The following PTPRT variants were observed in gnomAD, a reference collection of about 807,000 sequenced individuals.
The protein encoded by PTPRT is receptor-type tyrosine-protein phosphatase T.
In PTPRT, 56 loss-of-function variants were observed where a neutral mutation model predicts 176.8. The ratio of observed to expected loss-of-function variants is 0.32; its 90% confidence interval spans 0.26 to 0.40. The LOEUF (loss-of-function observed/expected upper bound fraction) is 0.40. PTPRT is among the 10% of genes least tolerant of loss of function. The pLI, the probability that PTPRT is intolerant of heterozygous loss-of-function variation, is 1.00. For synonymous variants in PTPRT, 783 were observed against 739.0 expected, an observed-to-expected ratio of 1.06 and a Z score of -0.96; for missense variants, 1,540 against 1,908.2, an observed-to-expected ratio of 0.81 and a Z score of 3.60.
At chr20:42,439,054 AC>A (rs2145826311) in intron 9 of PTPRT, among the ~76,000 whole-genome samples, 1 of 152,310 alleles carries the variant, frequency 6.6e-6, no homozygotes, top group South Asian at 2.1e-4. Flanking sequence ...TGCTACTGAA[AC>A]ACCTGTCAGC....
chr20:42,125,061 G>T (rs1987787570), intron 19 of PTPRT, among the ~76,000 whole-genome samples: 1 of 152,142 alleles, frequency 6.6e-6, no homozygotes, highest in African/African-American at 2.4e-5. Context: ...AAGGGCTTCA[G>T]TTCTTGAAGG....
chr20:42,145,694 C>A (rs755091594), intron 17 of PTPRT, among the ~76,000 whole-genome samples: 5 of 152,188 alleles, frequency 3.3e-5, no homozygotes, highest in Admixed American at 1.3e-4. Flanking sequence ...TTAGAGGGCA[C>A]AGGAAGGAGT....
intron 7 of PTPRT, among the ~76,000 whole-genome samples, chr20:42,483,663 G>A (rs1034891125): frequency 2.0e-5 from 3 of 152,240 alleles, no homozygotes; most frequent in Admixed American, 6.5e-5. Flanking sequence ...GGGGAACCCA[G>A]AGTCAAATAT....
At chr20:43,175,641 C>T (rs1360127095) in intron 1 of PTPRT, among the ~76,000 whole-genome samples, 16 of 104,766 alleles carry the variant, frequency 1.5e-4, no homozygotes, top group South Asian at 7.9e-4. Flanking sequence ...AGCGAGACTC[C>T]GGGCTCTGAC....
chr20:42,366,170 A>G (rs2058511246), intron 9 of PTPRT, among the ~76,000 whole-genome samples: 1 of 152,074 alleles, frequency 6.6e-6, no homozygotes, highest in African/African-American at 2.4e-5. Context: ...CTTAGTGGAC[A>G]CCTAATTAAT....
chr20:42,601,269 A>G (rs374338935), intron 7 of PTPRT, among the ~76,000 whole-genome samples: 13 of 152,204 alleles, frequency 8.5e-5, no homozygotes, highest in African/African-American at 3.1e-4. Flanking sequence ...CCAACATACA[A>G]TCTGCCTTCT....
At chr20:43,152,252 G>A (rs1462304887) in intron 1 of PTPRT, among the ~76,000 whole-genome samples, 1 of 152,118 alleles carries the variant, frequency 6.6e-6, no homozygotes, top group African/African-American at 2.4e-5. Flanking sequence ...TATTAAAGTG[G>A]TTAACTGTGT....
chr20:43,161,219 T>G (rs1222495953), intron 1 of PTPRT, among the ~76,000 whole-genome samples: 1 of 152,170 alleles, frequency 6.6e-6, no homozygotes, highest in Non-Finnish European at 1.5e-5. Flanking sequence ...GCAGAAAAAT[T>G]TTGCTGATTT....
intron 6 of PTPRT, among the ~76,000 whole-genome samples, chr20:42,716,214 G>A (rs1310104445): frequency 6.6e-6 from 1 of 151,964 alleles, no homozygotes; most frequent in Non-Finnish European, 1.5e-5. Flanking sequence ...CCACAGACAT[G>A]TGAGCAAAAA....
intron 7 of PTPRT, among the ~76,000 whole-genome samples, chr20:42,622,509 G>C (rs1260193957): frequency 1.3e-5 from 2 of 152,088 alleles, no homozygotes; most frequent in Non-Finnish European, 2.9e-5. Flanking sequence ...CAAAGTGCTG[G>C]CATTACAGGC....
chr20:42,729,977 T>C (rs904282732), intron 6 of PTPRT, among the ~76,000 whole-genome samples: 3 of 152,292 alleles, frequency 2.0e-5, no homozygotes, highest in African/African-American at 7.2e-5. Context: ...CACTGTGCTA[T>C]GAGCCCAGCA....
chr20:43,136,021 A>C (rs917311967), intron 1 of PTPRT, among the ~76,000 whole-genome samples: 21 of 152,204 alleles, frequency 1.4e-4, no homozygotes, highest in African/African-American at 5.1e-4. Flanking sequence ...ATAGTCAGCT[A>C]TTAAGCTAGT....
At chr20:42,121,462 A>G (rs1431663447) in intron 19 of PTPRT, among the ~76,000 whole-genome samples, 1 of 152,126 alleles carries the variant, frequency 6.6e-6, no homozygotes, top group African/African-American at 2.4e-5. Context: ...CAAATACCCA[A>G]TAAACAAGCT....
At chr20:42,070,296 C>T (rs1473699915), downstream of PTPRT, among the ~76,000 whole-genome samples, 1 of 151,662 alleles carries the variant, frequency 6.6e-6, no homozygotes, top group Non-Finnish European at 1.5e-5. Flanking sequence ...GATCTTAAGT[C>T]AAACCAGAGC....
intron 1 of PTPRT, among the ~76,000 whole-genome samples, chr20:42,934,389 T>A (rs1037448975): frequency 6.6e-6 from 1 of 152,156 alleles, no homozygotes; most frequent in African/African-American, 2.4e-5. Flanking sequence ...ATAACAAAAT[T>A]TCCCTAAAAC....
At chr20:43,130,813 T>TAA (rs1568803065) in intron 1 of PTPRT, among the ~76,000 whole-genome samples, 1 of 121,674 alleles carries the variant, frequency 8.2e-6, no homozygotes, top group Admixed American at 8.2e-5. Flanking sequence ...GGAAGGATTT[T>TAA]CAAAAAAAAA....
intron 9 of PTPRT, among the ~76,000 whole-genome samples, chr20:42,434,099 T>A (rs755029481): frequency 1.3e-5 from 2 of 151,364 alleles, no homozygotes; most frequent in Admixed American, 6.6e-5. Context: ...CATAACCACG[T>A]CAAAGCTGTT....
intron 12 of PTPRT, among the ~76,000 whole-genome samples, chr20:42,311,626 T>C (rs538938129): frequency 6.6e-6 from 1 of 152,344 alleles, no homozygotes; most frequent in East Asian, 1.9e-4. Flanking sequence ...TGGGTAATTC[T>C]GATTTTTCTT....
intron 7 of PTPRT, among the ~76,000 whole-genome samples, chr20:42,496,976 A>G (rs555315812): frequency 1.3e-5 from 2 of 152,236 alleles, no homozygotes; most frequent in South Asian, 2.1e-4. Flanking sequence ...TGTTCAACTC[A>G]TTGGGTTCTA....
Sources: allele counts gnomAD v4.1 joint callset (sites outside exome capture counted in the v4.1 genomes callset), GRCh38; gene constraint gnomAD v4.1.1; transcripts MANE v1.5; gene names NCBI Gene and HGNC (gene_info 2026-07-23, HGNC 2026-07-21).